The following TENM3 variants were observed in gnomAD, a reference collection of about 807,000 sequenced individuals.
TENM3 encodes the protein teneurin-3.
A neutral mutation model predicts 255.1 loss-of-function variants in TENM3; 63 were observed. That is an observed-to-expected ratio of 0.25 (90% CI 0.20 to 0.30). The LOEUF is 0.30. TENM3 is among the 10% of genes least tolerant of loss of function. The pLI is 1.00. For synonymous variants in TENM3, 1,306 were observed against 1,322.3 expected, an observed-to-expected ratio of 0.99 and a Z score of 0.27; for missense variants, 2,929 against 3,461.1, an observed-to-expected ratio of 0.85 and a Z score of 3.86.
At chr4:182,760,374 AC>A (rs1211132403) in intron 22 of TENM3, among the ~76,000 whole-genome samples, 1 of 152,208 alleles carries the variant, frequency 6.6e-6, no homozygotes, top group Non-Finnish European at 1.5e-5. Flanking sequence ...GAATTGGGGA[AC>A]AGAATACGTT....
chr4:182,687,531 G>A (rs1220208385), intron 11 of TENM3, among the ~76,000 whole-genome samples: 2 of 152,042 alleles, frequency 1.3e-5, no homozygotes, highest in Non-Finnish European at 2.9e-5. Flanking sequence ...TATTAAACTG[G>A]TTTTGTACTG....
At chr4:182,320,394 T>C (rs1389863439) in intron 1 of TENM3, among the ~76,000 whole-genome samples, 1 of 152,214 alleles carries the variant, frequency 6.6e-6, no homozygotes, top group African/African-American at 2.4e-5. Context: ...CTGACTTCTG[T>C]TGGTTGCTGG....
chr4:182,791,190 T>C (rs1293530166), intron 25 of TENM3, among the ~76,000 whole-genome samples: 1 of 152,244 alleles, frequency 6.6e-6, no homozygotes, highest in Non-Finnish European at 1.5e-5. Flanking sequence ...GGACATTTAC[T>C]ACACAACCTG....
chr4:182,036,573 A>G, the TENM3 span, among the ~76,000 whole-genome samples: 1 of 152,206 alleles, frequency 6.6e-6, no homozygotes, highest in African/African-American at 2.4e-5. Flanking sequence ...GACACATAAT[A>G]TGCACAAATC....
At chr4:181,660,455 G>T in the TENM3 span, among the ~76,000 whole-genome samples, 5 of 152,074 alleles carry the variant, frequency 3.3e-5, no homozygotes, top group African/African-American at 1.2e-4. Flanking sequence ...TTTTCTATGA[G>T]AAAATTGAGG....
intron 15 of TENM3, 97 bp from the exon 16 acceptor site, chr4:182,730,781 T>C: frequency 7.5e-7 from 1 of 1,336,612 alleles, no homozygotes; most frequent in Non-Finnish European, 1.0e-6. Context: ...GGAGAAAAAG[T>C]TGATTTTCTT....
At chr4:182,150,915 C>T (rs969532996) in intron 1 of TENM3, among the ~76,000 whole-genome samples, 3 of 152,032 alleles carry the variant, frequency 2.0e-5, no homozygotes, top group Admixed American at 2.0e-4. Flanking sequence ...AAGAGGGTGA[C>T]GTGGATTTGT....
chr4:181,710,573 G>A, the TENM3 span, among the ~76,000 whole-genome samples: 2 of 151,960 alleles, frequency 1.3e-5, no homozygotes, highest in South Asian at 4.1e-4. Context: ...AAAATTAGCG[G>A]GCATGGTGGC....
chr4:182,322,675 T>A (rs1763128275), intron 1 of TENM3, among the ~76,000 whole-genome samples: 1 of 152,146 alleles, frequency 6.6e-6, no homozygotes, highest in African/African-American at 2.4e-5. Context: ...TGACAGTGCA[T>A]GCTCGAGAGA....
the TENM3 span, among the ~76,000 whole-genome samples, chr4:181,615,169 A>G: frequency 6.6e-6 from 1 of 152,098 alleles, no homozygotes; most frequent in Admixed American, 6.6e-5. Context: ...TTTATTTTCA[A>G]GACTTACTAG....
At chr4:181,597,113 G>A in the TENM3 span, among the ~76,000 whole-genome samples, 2 of 152,092 alleles carry the variant, frequency 1.3e-5, no homozygotes, top group South Asian at 4.1e-4. Flanking sequence ...TTCAACCATT[G>A]TTTCATGAAA....
In TENM3 at chr4:182,785,368, G is replaced by C. The variant is rs6845799; in HGVS notation, c.5305-3725G>C. The stretch of plus-strand genomic sequence containing the variant: ...ATTACAGACATGAGCCACCCCTCCC[G>C]GTCTTAACCTGATATTTTTAATAAT... On this transcript the variant is annotated intron_variant, in intron 24 of 27. Coordinates refer to ENST00000511685, the MANE Select transcript of TENM3 (RefSeq NM_001080477.4). Among the ~76,000 whole-genome samples, 1,023 of 151,512 alleles carry C rather than the reference G, an allele frequency of 6.8e-3. 20 individuals carry two copies. Among genetic ancestry groups the C allele is most frequent in the African/African-American group, 0.023 (966 of 41,218 alleles).
At chr4:182,788,973 T>A in intron 24 of TENM3, 120 bp from the exon 25 acceptor site, 1 of 869,222 alleles carries the variant, frequency 1.2e-6, no homozygotes, top group Non-Finnish European at 1.7e-6. Context: ...ACCCAAGAAG[T>A]TGCTAAGTTA....
At chr4:182,142,120 GC>G (rs1749484863), upstream of TENM3, 1 of 150,706 alleles carries the variant, frequency 6.6e-6, no homozygotes, top group Non-Finnish European at 1.5e-5. Flanking sequence ...TAATTGACAA[GC>G]CTTTTTTTTA....
At chr4:181,855,238 G>T in the TENM3 span, among the ~76,000 whole-genome samples, 4 of 152,124 alleles carry the variant, frequency 2.6e-5, no homozygotes, top group African/African-American at 9.7e-5. Flanking sequence ...TTTGGATAAA[G>T]TTTGGTAGTA....
intron 2 of TENM3, among the ~76,000 whole-genome samples, chr4:182,336,349 C>CA (rs34731872): frequency 0.013 from 1,787 of 136,314 alleles, 11 homozygotes; most frequent in Non-Finnish European, 0.02. Flanking sequence ...AGGAAGAAGC[C>CA]AAAAAAAAAA....
the TENM3 span, among the ~76,000 whole-genome samples, chr4:181,587,531 A>T: frequency 4.0e-3 from 608 of 152,304 alleles, 7 homozygotes; most frequent in African/African-American, 0.014. Flanking sequence ...CCCACGTATG[A>T]TGTTGGTACA....
the TENM3 span, among the ~76,000 whole-genome samples, chr4:181,930,030 A>C: frequency 6.6e-6 from 1 of 152,198 alleles, no homozygotes; most frequent in Non-Finnish European, 1.5e-5. Flanking sequence ...AGCAGTGTTT[A>C]GAGGGAAATT....
chr4:182,497,502 A>T (rs878981536), intron 3 of TENM3, among the ~76,000 whole-genome samples: 1 of 152,228 alleles, frequency 6.6e-6, no homozygotes, highest in Admixed American at 6.5e-5. Flanking sequence ...GTTTTCTAAA[A>T]ATATGGAACA....
Sources: allele counts gnomAD v4.1 joint callset (sites outside exome capture counted in the v4.1 genomes callset), GRCh38; gene constraint gnomAD v4.1.1; transcripts MANE v1.5; gene names NCBI Gene and HGNC (gene_info 2026-07-23, HGNC 2026-07-21).